Variants in RBM6 observed in about 807,000 individuals in gnomAD.
The protein encoded by RBM6 is RNA-binding protein 6.
RBM6 carries 23 observed loss-of-function variants against 140.4 expected under a neutral mutation model. That is an observed-to-expected ratio of 0.16 (90% CI 0.12 to 0.23). The LOEUF (loss-of-function observed/expected upper bound fraction) is 0.23, where lower values mean the gene tolerates loss of function less well. Among genes scored for constraint, RBM6 ranks in the 10% least tolerant of loss-of-function variants. RBM6 has a pLI of 1.00. For missense variants in RBM6, 1,139 were observed against 1,386.7 expected (o/e 0.82, Z 2.84); for synonymous variants, 439 against 475.6 (o/e 0.92, Z 1.00).
intron 17 of RBM6, among the ~76,000 whole-genome samples, chr3:50,068,261 G>A (rs139196599): frequency 4.9e-4 from 74 of 152,238 alleles, no homozygotes; most frequent in Middle Eastern, 6.8e-3. Flanking sequence ...AGAGCCATGC[G>A]TGAGGAATTT....
chr3:50,014,118 A>G (rs561582032), intron 6 of RBM6, among the ~76,000 whole-genome samples: 1 of 152,274 alleles, frequency 6.6e-6, no homozygotes, highest in South Asian at 2.1e-4. Context: ...CTTGCCGTGG[A>G]TTGTCTTATA....
intron 3 of RBM6, among the ~76,000 whole-genome samples, chr3:49,969,711 C>T (rs944691419): frequency 9.9e-5 from 15 of 151,484 alleles, no homozygotes; most frequent in African/African-American, 3.6e-4. Flanking sequence ...GATCCTCCCA[C>T]CTCAGCCTTC....
intron 6 of RBM6, among the ~76,000 whole-genome samples, chr3:50,019,803 T>C (rs1279749255): frequency 5.3e-5 from 8 of 152,220 alleles, no homozygotes; most frequent in Non-Finnish European, 7.3e-5. Context: ...GAGAGGTTTT[T>C]TTTTTTAAAT....
chr3:49,969,092 T>G (rs1340296365), intron 3 of RBM6, among the ~76,000 whole-genome samples: 1 of 151,286 alleles, frequency 6.6e-6, no homozygotes, highest in Non-Finnish European at 1.5e-5. Flanking sequence ...TGACATAATC[T>G]CAGCTCACTG....
intron 6 of RBM6, among the ~76,000 whole-genome samples, chr3:50,032,345 G>T (rs1469956833): frequency 6.6e-6 from 1 of 152,010 alleles, no homozygotes; most frequent in Non-Finnish European, 1.5e-5. Context: ...TTAGCTGGGC[G>T]TGGTGGTGCG....
chr3:50,050,250 A>G (rs2089414717), intron 7 of RBM6, among the ~76,000 whole-genome samples: 2 of 152,054 alleles, frequency 1.3e-5, no homozygotes, highest in Admixed American at 1.3e-4. Flanking sequence ...GTCCCCAGAA[A>G]CCATTAATCT....
chr3:49,949,467 A>G (rs1007569561), intron 1 of RBM6, among the ~76,000 whole-genome samples: 9 of 151,834 alleles, frequency 5.9e-5, no homozygotes, highest in Admixed American at 4.6e-4. Context: ...ATCGCAGCTC[A>G]TTGCAACCTC....
At chr3:49,951,287 A>T (rs1340001573) in intron 1 of RBM6, among the ~76,000 whole-genome samples, 4 of 151,910 alleles carry the variant, frequency 2.6e-5, no homozygotes, top group African/African-American at 4.8e-5. Flanking sequence ...ATCTTGGCTC[A>T]CTGCAACCTC....
chr3:49,969,521 ATTTC>A (rs1159220162), intron 3 of RBM6, among the ~76,000 whole-genome samples: 2 of 147,158 alleles, frequency 1.4e-5, no homozygotes, highest in Non-Finnish European at 3.0e-5. Flanking sequence ...ATATATATAT[ATTTC>A]TTTTTTCTTT....
chr3:49,985,536 G>C (rs986326882), intron 5 of RBM6, among the ~76,000 whole-genome samples: 1 of 152,166 alleles, frequency 6.6e-6, no homozygotes, highest in Non-Finnish European at 1.5e-5. Context: ...AGATAGTGGT[G>C]ATGGTTGCAC....
intron 1 of RBM6, among the ~76,000 whole-genome samples, chr3:49,946,038 C>T (rs1424349046): frequency 1.3e-5 from 2 of 151,984 alleles, no homozygotes; most frequent in Non-Finnish European, 2.9e-5. Flanking sequence ...GCCTGCAAGC[C>T]AAGGAGAGAG....
At chr3:50,026,220 G>T (rs2087810837) in intron 6 of RBM6, among the ~76,000 whole-genome samples, 2 of 151,584 alleles carry the variant, frequency 1.3e-5, no homozygotes, top group Admixed American at 1.3e-4. Context: ...GAGTAGCTGG[G>T]ATTACAGGCA....
intron 6 of RBM6, among the ~76,000 whole-genome samples, chr3:50,006,923 C>T (rs1376282427): frequency 7.1e-6 from 1 of 141,172 alleles, no homozygotes; most frequent in Non-Finnish European, 1.5e-5. Flanking sequence ...CAGAGTGAGA[C>T]TCCATCTCAA....
intron 6 of RBM6, among the ~76,000 whole-genome samples, chr3:50,012,894 C>A (rs80234854): frequency 0.033 from 4,952 of 152,008 alleles, 300 homozygotes; most frequent in African/African-American, 0.11. Context: ...AGCCATGCGC[C>A]ACCACGCCTG....
In RBM6 at chr3:49,993,425, C is replaced by G. The variant is rs2624832; in HGVS notation, c.1484-6015C>G. On this transcript the variant is annotated intron_variant, in intron 5 of 20. Coordinates refer to ENST00000266022, the MANE Select transcript of RBM6 (RefSeq NM_005777.3). ...GGGAGGCCAAGGCGTGTGGATAACT[C>G]GAGGTTAGGAGTTTAAGACCAGTCT... Among the ~76,000 whole-genome samples, 10 of 152,048 alleles carry G rather than the reference C, an allele frequency of 6.6e-5. No individual in the cohort carries two copies. The South Asian group carries it at 2.1e-3, about 32-fold the overall frequency.
At chr3:50,032,900 G>A (rs1309081459) in intron 6 of RBM6, among the ~76,000 whole-genome samples, 3 of 151,918 alleles carry the variant, frequency 2.0e-5, no homozygotes, top group East Asian at 1.9e-4. Flanking sequence ...CAGGAGAACC[G>A]CTTGAAACAA....
chr3:50,057,898 G>C lies in RBM6; in HGVS notation c.1864G>C (p.Ala622Pro). Residue 622 changes from alanine (A) to proline (P), a missense_variant, in exon 9 of 21, where the codon GCA (alanine) becomes CCA (proline). By Grantham distance (27) the Ala-to-Pro change is conservative. Coordinates refer to ENST00000266022, the MANE Select transcript of RBM6 (RefSeq NM_005777.3). ...ESRLGHQKRE[A>P]ERYLPPSRRE... is the part of the protein sequence containing the mutation. ...ACGCTTAGGACATCAAAAGAGAGAA[G>C]CAGAAAGGTATCTGCCTCCTTCTCG... is the stretch of plus-strand genomic sequence containing the variant. The C allele has an allele frequency of 6.2e-7, 1 of 1,614,138 alleles. No homozygotes were observed. The highest frequency in any genetic ancestry group is 2.2e-5 in the East Asian group (1 of 44,880).
At chr3:50,040,493 T>TATACACACAC (rs749096137) in intron 6 of RBM6, among the ~76,000 whole-genome samples, 1 of 85,894 alleles carries the variant, frequency 1.2e-5, no homozygotes, top group African/African-American at 4.6e-5. Flanking sequence ...TATATATATA[T>TATACACACAC]ACACACACAC....
intron 6 of RBM6, among the ~76,000 whole-genome samples, chr3:50,010,123 G>A (rs1359391757): frequency 6.6e-6 from 1 of 151,896 alleles, no homozygotes; most frequent in East Asian, 1.9e-4. Flanking sequence ...CTGACCTCAG[G>A]CAATCCACCC....
Sources: gnomAD v4.1 joint callset for allele counts (sites outside exome capture counted in the v4.1 genomes callset) on GRCh38, gnomAD v4.1.1 for gene constraint, MANE v1.5 for transcripts, NCBI Gene and HGNC (gene_info 2026-07-23, HGNC 2026-07-21) for gene names.